The following RAPGEF4 variants were observed in gnomAD, a reference collection of about 807,000 sequenced individuals.
RAPGEF4 encodes Rap guanine nucleotide exchange factor 4.
A neutral mutation model predicts 147.9 loss-of-function variants in RAPGEF4; 66 were observed. The observed-to-expected ratio is 0.45, with a 90% confidence interval of 0.37 to 0.55. The LOEUF is 0.55. Among genes scored for constraint, RAPGEF4 ranks in the 20% least tolerant of loss-of-function variants. RAPGEF4 has a pLI of 0.00. For synonymous variants in RAPGEF4, 419 were observed against 442.7 expected (o/e 0.95, Z 0.67); for missense variants, 1,071 against 1,257.3 (o/e 0.85, Z 2.24).
At chr2:172,745,901 A>C (rs986075590) in intron 1 of RAPGEF4, among the ~76,000 whole-genome samples, 2 of 152,208 alleles carry the variant, frequency 1.3e-5, no homozygotes, top group Non-Finnish European at 2.9e-5. Flanking sequence ...CAGGCTCTTT[A>C]AATACAGCAT....
At chr2:172,876,255 G>A (rs1695904746) in intron 4 of RAPGEF4, among the ~76,000 whole-genome samples, 1 of 152,100 alleles carries the variant, frequency 6.6e-6, no homozygotes, top group Non-Finnish European at 1.5e-5. Context: ...TCTCCTGCCT[G>A]ATTGCCCTGG....
intron 4 of RAPGEF4, among the ~76,000 whole-genome samples, chr2:172,904,844 T>C (rs376455821): frequency 6.6e-6 from 1 of 151,812 alleles, no homozygotes; most frequent in African/African-American, 2.4e-5. Flanking sequence ...ATCAAAACCA[T>C]CCTCCAAGCA....
chr2:172,758,865 TA>T (rs1696031756), intron 1 of RAPGEF4, among the ~76,000 whole-genome samples: 1 of 152,136 alleles, frequency 6.6e-6, no homozygotes, highest in Admixed American at 6.6e-5. Flanking sequence ...GAGCTGGAGA[TA>T]TACATTTGGG....
intron 4 of RAPGEF4, among the ~76,000 whole-genome samples, chr2:172,892,532 G>T (rs914766082): frequency 3.9e-5 from 6 of 152,228 alleles, no homozygotes; most frequent in Admixed American, 3.3e-4. Flanking sequence ...AGATCGTTGA[G>T]AAGTTTTATG....
At chr2:172,980,845 C>T (rs999125232) in intron 10 of RAPGEF4, among the ~76,000 whole-genome samples, 1 of 152,098 alleles carries the variant, frequency 6.6e-6, no homozygotes, top group African/African-American at 2.4e-5. Context: ...GAAGCGGGGT[C>T]TCACTCTGTT....
intron 4 of RAPGEF4, chr2:172,860,294 T>C (rs1207383377): frequency 1.0e-6 from 1 of 985,324 alleles, no homozygotes; most frequent in Non-Finnish European, 1.2e-6. Context: ...GGGAGAAGTG[T>C]CTGGTGTAAG....
chr2:172,915,274 A>T (rs1247310826), intron 4 of RAPGEF4, among the ~76,000 whole-genome samples: 2 of 152,206 alleles, frequency 1.3e-5, no homozygotes, highest in African/African-American at 2.4e-5. Flanking sequence ...AAACAATTAG[A>T]AAGTTTGACC....
intron 23 of RAPGEF4, among the ~76,000 whole-genome samples, chr2:173,022,912 T>G (rs1453389060): frequency 6.6e-6 from 1 of 152,236 alleles, no homozygotes; most frequent in Non-Finnish European, 1.5e-5. Context: ...TATAATGTGA[T>G]TCTACTTTTG....
chr2:172,890,184 T>TG (rs1411820746), intron 4 of RAPGEF4, among the ~76,000 whole-genome samples: 1 of 152,228 alleles, frequency 6.6e-6, no homozygotes, highest in Non-Finnish European at 1.5e-5. Context: ...TGATTTTGTC[T>TG]GAGGAAGACT....
intron 4 of RAPGEF4, among the ~76,000 whole-genome samples, chr2:172,910,664 TG>T (rs1208798185): frequency 6.6e-6 from 1 of 152,206 alleles, no homozygotes. Flanking sequence ...CTTCAGAGGC[TG>T]GCCTCAGTTG....
chr2:172,965,220 T>C (rs533082610), intron 8 of RAPGEF4: 9 of 278,230 alleles, frequency 3.2e-5, no homozygotes, highest in South Asian at 2.7e-4. Context: ...TGCACTGAGA[T>C]TTTCTGGGAC....
At chr2:172,805,034 C>T (rs1313406386) in intron 3 of RAPGEF4, among the ~76,000 whole-genome samples, 1 of 152,168 alleles carries the variant, frequency 6.6e-6, no homozygotes, top group African/African-American at 2.4e-5. Flanking sequence ...CTTCTCTGGG[C>T]CCAGGAAGCA....
intron 2 of RAPGEF4, 68 bp from the exon 3 acceptor site, chr2:172,797,457 A>C (rs1686490495): frequency 7.8e-7 from 1 of 1,286,104 alleles, no homozygotes; most frequent in Non-Finnish European, 1.1e-6. Flanking sequence ...ACCAGTGAAA[A>C]ACTGGCAGAT....
intron 4 of RAPGEF4, among the ~76,000 whole-genome samples, chr2:172,899,913 G>A (rs1273834197): frequency 6.6e-6 from 1 of 152,200 alleles, no homozygotes; most frequent in African/African-American, 2.4e-5. Context: ...AAGGAAAAAG[G>A]CCAAGCACGT....
At chr2:172,817,167 A>C (rs1012217869) in intron 4 of RAPGEF4, among the ~76,000 whole-genome samples, 7 of 152,222 alleles carry the variant, frequency 4.6e-5, no homozygotes, top group Admixed American at 4.6e-4. Context: ...GGATATAGTC[A>C]GATGTTCGTA....
chr2:172,934,774 C>T (rs1214290527), intron 6 of RAPGEF4, among the ~76,000 whole-genome samples: 5 of 152,122 alleles, frequency 3.3e-5, no homozygotes, highest in Non-Finnish European at 7.4e-5. Flanking sequence ...AGTATTCACC[C>T]CCTACCCCAA....
At chr2:172,841,264 G>A (rs1691556536) in intron 4 of RAPGEF4, among the ~76,000 whole-genome samples, 1 of 152,134 alleles carries the variant, frequency 6.6e-6, no homozygotes, top group Non-Finnish European at 1.5e-5. Flanking sequence ...CTTGAAAAGA[G>A]CCTAGCACCT....
chr2:172,766,785 C>T (rs968005949), intron 1 of RAPGEF4, among the ~76,000 whole-genome samples: 2 of 152,130 alleles, frequency 1.3e-5, no homozygotes, highest in Non-Finnish European at 2.9e-5. Context: ...AATAGATACT[C>T]TTTTCTGTAA....
chr2:172,755,986 C>T (rs1559024768), intron 1 of RAPGEF4, among the ~76,000 whole-genome samples: 1 of 152,274 alleles, frequency 6.6e-6, no homozygotes, highest in South Asian at 2.1e-4. Context: ...TCAATCTCTC[C>T]AAGACTCCCT....
Sources: gnomAD v4.1 joint callset for allele counts (sites outside exome capture counted in the v4.1 genomes callset) on GRCh38, gnomAD v4.1.1 for gene constraint, MANE v1.5 for transcripts, NCBI Gene and HGNC (gene_info 2026-07-23, HGNC 2026-07-21) for gene names.